The following RCSD1 variants were observed in gnomAD, a reference collection of about 807,000 sequenced individuals.
The protein encoded by RCSD1 is RCSD domain containing 1, also known as capZ-interacting protein.
RCSD1 carries 26 observed loss-of-function variants against 42.5 expected under a neutral mutation model. That is an observed-to-expected ratio of 0.61 (90% confidence interval 0.45 to 0.85). The LOEUF is 0.85. Among genes scored for constraint, RCSD1 ranks in the 40% least tolerant of loss-of-function variants. RCSD1 has a pLI of 0.00. For synonymous variants in RCSD1, 220 were observed against 212.2 expected (o/e 1.04, Z -0.32); for missense variants, 571 against 528.3 (o/e 1.08, Z -0.79).
chr1:167,630,516 C>T (rs527615518), intron 1 of RCSD1, 87 bp downstream of exon 1: 589 of 1,340,398 alleles, frequency 4.4e-4, no homozygotes, highest in Non-Finnish European at 4.5e-4. Context: ...CTGCCCTGAG[C>T]ATGGAGCACG....
chr1:167,646,690 G>C (rs1416122874), intron 1 of RCSD1, among the ~76,000 whole-genome samples: 1 of 152,058 alleles, frequency 6.6e-6, no homozygotes, highest in Non-Finnish European at 1.5e-5. Context: ...ATCCTGCCTA[G>C]GCGTCATCCC....
intron 1 of RCSD1, among the ~76,000 whole-genome samples, chr1:167,645,150 G>A (rs1034348711): frequency 2.6e-5 from 4 of 152,158 alleles, no homozygotes; most frequent in Non-Finnish European, 4.4e-5. Context: ...AATATGCTAC[G>A]TGACATATTC....
At chr1:167,653,405 G>T (rs1658355618) in intron 1 of RCSD1, among the ~76,000 whole-genome samples, 1 of 152,214 alleles carries the variant, frequency 6.6e-6, no homozygotes, top group South Asian at 2.1e-4. Context: ...TCCTGTTAGA[G>T]TCCTGGGGGG....
chr1:167,671,935 G>A (rs2102222382), intron 1 of RCSD1, among the ~76,000 whole-genome samples: 1 of 152,292 alleles, frequency 6.6e-6, no homozygotes, highest in Admixed American at 6.5e-5. Context: ...GACCAGCTCT[G>A]CTTACCCTTC....
At chr1:167,670,950 A>C (rs1658792648) in intron 1 of RCSD1, among the ~76,000 whole-genome samples, 1 of 152,230 alleles carries the variant, frequency 6.6e-6, no homozygotes, top group Non-Finnish European at 1.5e-5. Flanking sequence ...TGAAATCAAC[A>C]GAATATTGAC....
chr1:167,695,417 G>T (rs1659475820), intron 5 of RCSD1, among the ~76,000 whole-genome samples: 1 of 152,222 alleles, frequency 6.6e-6, no homozygotes, highest in African/African-American at 2.4e-5. Context: ...GAAAGGGCTT[G>T]GGAGGCCCTG....
At position 167,694,278 on chromosome 1, in the gene RCSD1, C is replaced by T; in HGVS notation, c.450C>T (p.Gly150=). 1.2e-6 allele frequency: 2 copies of T among 1,614,152 alleles called. No homozygotes were observed. Among genetic ancestry groups the T allele is most frequent in the Non-Finnish European group, 1.7e-6 (2 of 1,180,012 alleles). ...VPVSFDQPPE[G]SHLPCYNKVR... ...TCAGCTTCGACCAGCCCCCTGAAGG[C>T]AGTCATCTGCCCTGTTACAACAAGG... Residue 150 remains glycine (G), a synonymous_variant, in exon 5 of 7, where the codon GGC becomes GGT. Transcript: ENST00000367854.
Position 167,675,891 on chromosome 1 carries a change from G to A in RCSD1, c.7-8009G>A, listed in dbSNP as rs1658939665. Among the ~76,000 whole-genome samples, 3 of 151,862 alleles carry A rather than the reference G, an allele frequency of 2.0e-5. No individual in the cohort carries two copies. The South Asian group carries it at 6.3e-4, about 32-fold the overall frequency. On this transcript the variant is annotated intron_variant, in intron 1 of 6. Transcript: ENST00000367854. ...TCTTAGCTAGCTGGGGCTCTATCTGGGACTTCTGTATCCAAGATGGGATGG... is the reference window on the plus strand; with the variant it reads ...TCTTAGCTAGCTGGGGCTCTATCTGAGACTTCTGTATCCAAGATGGGATGG...
chr1:167,637,134 G>A (rs1045365883), intron 1 of RCSD1, among the ~76,000 whole-genome samples: 1 of 152,144 alleles, frequency 6.6e-6, no homozygotes, highest in African/African-American at 2.4e-5. Flanking sequence ...TGAATCTTGA[G>A]GGGTGAGTAA....
intron 1 of RCSD1, among the ~76,000 whole-genome samples, chr1:167,634,030 T>A (rs1657768030): frequency 6.6e-6 from 1 of 152,124 alleles, no homozygotes; most frequent in Admixed American, 6.6e-5. Context: ...GGTCTTTGAG[T>A]CTCCAGAATG....
intron 1 of RCSD1, among the ~76,000 whole-genome samples, chr1:167,678,762 T>G (rs1659010144): frequency 6.6e-6 from 1 of 152,118 alleles, no homozygotes; most frequent in Admixed American, 6.5e-5. Context: ...AGGCCCAATG[T>G]AGCTGGCCTC....
intron 1 of RCSD1, chr1:167,640,809 T>A (rs887030025): frequency 3.9e-5 from 6 of 152,170 alleles, no homozygotes; most frequent in African/African-American, 1.4e-4. Flanking sequence ...CACAGCCTCC[T>A]GAAGCGCTGG....
intron 1 of RCSD1, among the ~76,000 whole-genome samples, chr1:167,662,463 A>G (rs926180033): frequency 6.6e-6 from 1 of 151,798 alleles, no homozygotes; most frequent in East Asian, 1.9e-4. Context: ...CCCGTTCACA[A>G]TTATACTTCT....
chr1:167,675,070 G>T (rs1658908086), intron 1 of RCSD1, among the ~76,000 whole-genome samples: 1 of 151,942 alleles, frequency 6.6e-6, no homozygotes. Flanking sequence ...GCTGGGCCTG[G>T]TGGCACGTGC....
At chr1:167,677,539 G>T (rs1001810309) in intron 1 of RCSD1, among the ~76,000 whole-genome samples, 4 of 152,214 alleles carry the variant, frequency 2.6e-5, no homozygotes, top group African/African-American at 9.6e-5. Flanking sequence ...GGGGAAACAG[G>T]AAGAAATTTT....
chr1:167,692,140 G>T (rs1239662859), intron 4 of RCSD1, among the ~76,000 whole-genome samples: 1 of 152,190 alleles, frequency 6.6e-6, no homozygotes, highest in Non-Finnish European at 1.5e-5. Flanking sequence ...CATTAAGATT[G>T]TCAGCAATAG....
At chr1:167,696,077 G>C (rs1480827746) in intron 5 of RCSD1, among the ~76,000 whole-genome samples, 1 of 152,018 alleles carries the variant, frequency 6.6e-6, no homozygotes, top group African/African-American at 2.4e-5. Flanking sequence ...CCAACTTCAC[G>C]GGGGCAGGAA....
Position 167,649,534 on chromosome 1 carries a change from G to GC in RCSD1, c.6+19105_6+19106insC, listed in dbSNP as rs570513990. On this transcript the variant is annotated intron_variant, in intron 1 of 6. Coordinates refer to ENST00000367854, the MANE Select transcript of RCSD1 (RefSeq NM_052862.4). ...CACTTGTTTTATTCCCAGAGTGATG[G>GC]GGGGGCAGAAAGTTACATAACCAGA... 8.0e-4 allele frequency among the ~76,000 whole-genome samples: 122 copies of GC among 152,306 alleles called. 1 individual carries two copies. The highest frequency in any genetic ancestry group is 2.2e-3 in the African/African-American group (90 of 41,550).
chr1:167,645,963 G>A (rs1213915557), intron 1 of RCSD1, among the ~76,000 whole-genome samples: 1 of 152,136 alleles, frequency 6.6e-6, no homozygotes, highest in Non-Finnish European at 1.5e-5. Flanking sequence ...TAATCTAGAA[G>A]CCGAAATACC....
Sources: gnomAD v4.1 joint callset for allele counts (sites outside exome capture counted in the v4.1 genomes callset) on GRCh38, gnomAD v4.1.1 for gene constraint, MANE v1.5 for transcripts, NCBI Gene and HGNC (gene_info 2026-07-23, HGNC 2026-07-21) for gene names.